Variants in PABPC4L observed in about 807,000 individuals in gnomAD.
PABPC4L encodes the protein polyadenylate-binding protein 4-like.
For synonymous variants in PABPC4L, 169 were observed against 164.1 expected (o/e 1.03, Z -0.23); for missense variants, 452 against 451.4 (o/e 1.00, Z -0.01).
chr4:134,119,357 A>G, the PABPC4L span, among the ~76,000 whole-genome samples: 2 of 151,772 alleles, frequency 1.3e-5, no homozygotes, highest in African/African-American at 4.8e-5. Flanking sequence ...AGAAGTAGAT[A>G]TGATCTTCTT....
the PABPC4L span, among the ~76,000 whole-genome samples, chr4:133,956,367 A>T: frequency 6.6e-6 from 1 of 152,206 alleles, no homozygotes; most frequent in Non-Finnish European, 1.5e-5. Context: ...CCATGAAAAG[A>T]TAGCAAAAGG....
the PABPC4L span, among the ~76,000 whole-genome samples, chr4:134,063,769 A>T: frequency 6.6e-6 from 1 of 152,066 alleles, no homozygotes; most frequent in East Asian, 1.9e-4. Context: ...AAATACTATA[A>T]CCAGACCAAT....
chr4:133,976,764 G>A, the PABPC4L span, among the ~76,000 whole-genome samples: 1 of 151,964 alleles, frequency 6.6e-6, no homozygotes, highest in Non-Finnish European at 1.5e-5. Flanking sequence ...GTCTTCTTTT[G>A]AGAAATATCT....
Position 134,196,652 on chromosome 4 carries a change from T to C in PABPC4L, c.*3255A>G, listed in dbSNP as rs1345507392. The C allele has an allele frequency of 6.6e-6, 1 of 151,766 alleles. No individual in the cohort carries two copies. The highest frequency in any genetic ancestry group is 1.9e-4 in the East Asian group (1 of 5,188). 9.4% of individuals were successfully genotyped at this position (151,766 alleles called of 1,614,324 possible). On this transcript the variant is annotated 3_prime_UTR_variant, in exon 2 of 2. Transcript: ENST00000421491. ...TCAGAAAAGTTAAGATTCTACTTAT[T>C]TATTAAGGCACTTGGGCACAAAAGA...
At chr4:134,136,664 A>T in the PABPC4L span, among the ~76,000 whole-genome samples, 1 of 152,010 alleles carries the variant, frequency 6.6e-6, no homozygotes, top group South Asian at 2.1e-4. Context: ...GCATTCTAGA[A>T]ATATATTACA....
At chr4:134,182,262 A>C in the PABPC4L span, among the ~76,000 whole-genome samples, 2 of 152,184 alleles carry the variant, frequency 1.3e-5, no homozygotes, top group Admixed American at 1.3e-4. Flanking sequence ...ACAAAAACAG[A>C]CACATAGACC....
chr4:134,036,675 C>T, the PABPC4L span, among the ~76,000 whole-genome samples: 1 of 152,038 alleles, frequency 6.6e-6, no homozygotes, highest in African/African-American at 2.4e-5. Context: ...TCTATGGCAA[C>T]TCTATTCTGT....
At chr4:134,044,426 G>C in the PABPC4L span, among the ~76,000 whole-genome samples, 1 of 151,972 alleles carries the variant, frequency 6.6e-6, no homozygotes, top group African/African-American at 2.4e-5. Flanking sequence ...ACCACGCCTG[G>C]CTAATTTTTT....
downstream of PABPC4L, among the ~76,000 whole-genome samples, chr4:134,191,837 C>T (rs141002423): frequency 1.5e-3 from 228 of 151,598 alleles, no homozygotes; most frequent in African/African-American, 5.3e-3. Context: ...AAAAAGGACA[C>T]TAACCCAAAG....
chr4:134,200,024 T>G lies in PABPC4L; in HGVS notation c.996A>C (p.Lys332Asn). Residue 332 changes from lysine to asparagine, a missense_variant, in exon 2 of 2, where the codon AAA becomes AAC. Lys to Asn is a moderately conservative substitution (Grantham distance 94). Transcript: ENST00000421491. Reference protein sequence around the residue: ...VKVMQEEGQSKGFGLICFSSP... With the variant: ...VKVMQEEGQSNGFGLICFSSP... ...AGGAGAAGCAGATCAAGCCAAACCC[T>G]TTGCTCTGCCCCTCTTCCTGCATTA... 6.4e-7 allele frequency: 1 copy of G among 1,551,660 alleles called. No homozygotes were observed. The highest frequency in any genetic ancestry group is 8.7e-7 in the Non-Finnish European group (1 of 1,146,964).
chr4:134,183,899 T>G, the PABPC4L span, among the ~76,000 whole-genome samples: 1 of 151,682 alleles, frequency 6.6e-6, no homozygotes, highest in Admixed American at 6.6e-5. Context: ...TGCAATAAAA[T>G]CCCTAAAAGA....
chr4:133,970,087 TA>T, the PABPC4L span, among the ~76,000 whole-genome samples: 5 of 147,606 alleles, frequency 3.4e-5, no homozygotes, highest in African/African-American at 9.8e-5. Context: ...TATATATATT[TA>T]AAAAATATAT....
chr4:134,182,768 A>G, the PABPC4L span, among the ~76,000 whole-genome samples: 1 of 152,000 alleles, frequency 6.6e-6, no homozygotes, highest in South Asian at 2.1e-4. Context: ...AGCAAAAACT[A>G]AACAACCCCA....
At chr4:134,163,847 A>T in the PABPC4L span, among the ~76,000 whole-genome samples, 1 of 152,186 alleles carries the variant, frequency 6.6e-6, no homozygotes. Context: ...ACATACATAA[A>T]CATAATATGT....
At chr4:134,124,292 T>G in the PABPC4L span, among the ~76,000 whole-genome samples, 3 of 152,058 alleles carry the variant, frequency 2.0e-5, no homozygotes, top group Non-Finnish European at 4.4e-5. Flanking sequence ...TAAAACTGCC[T>G]GCTATACTTG....
the PABPC4L span, among the ~76,000 whole-genome samples, chr4:134,106,451 A>C: frequency 6.6e-6 from 1 of 151,558 alleles, no homozygotes; most frequent in African/African-American, 2.4e-5. Flanking sequence ...AAGAAAGAGA[A>C]AGAAAGAAAA....
At chr4:134,126,601 T>C in the PABPC4L span, among the ~76,000 whole-genome samples, 3 of 152,134 alleles carry the variant, frequency 2.0e-5, no homozygotes, top group Non-Finnish European at 4.4e-5. Context: ...GTCTTTTTTT[T>C]TGGTTTTTAT....
At chr4:134,079,303 C>T in the PABPC4L span, among the ~76,000 whole-genome samples, 4 of 150,720 alleles carry the variant, frequency 2.7e-5, no homozygotes, top group East Asian at 6.1e-4. Flanking sequence ...ATTGTGCAGC[C>T]GGGTGCGGTG....
chr4:134,001,046 T>G, the PABPC4L span, among the ~76,000 whole-genome samples: 1 of 152,080 alleles, frequency 6.6e-6, no homozygotes, highest in African/African-American at 2.4e-5. Context: ...TGATAAAACA[T>G]CTGAAGAAAC....
Sources: allele counts gnomAD v4.1 joint callset (sites outside exome capture counted in the v4.1 genomes callset), GRCh38; gene constraint gnomAD v4.1.1; transcripts MANE v1.5; gene names NCBI Gene and HGNC (gene_info 2026-07-23, HGNC 2026-07-21).